The following ITFG1 variants were observed in gnomAD, a reference collection of about 807,000 sequenced individuals.
The protein encoded by ITFG1 is T-cell immunomodulatory protein.
A neutral mutation model predicts 81.8 loss-of-function variants in ITFG1; 34 were observed. The observed-to-expected ratio is 0.42, with a 90% CI of 0.32 to 0.55. The LOEUF (loss-of-function observed/expected upper bound fraction) is 0.55, where lower values mean the gene tolerates loss of function less well. Ranked by LOEUF, ITFG1 falls within the 20% of genes least tolerant of loss-of-function variation. The pLI, the probability that ITFG1 is intolerant of heterozygous loss-of-function variation, is 0.17. For synonymous variants in ITFG1, 285 were observed against 270.6 expected (o/e 1.05, Z -0.52); for missense variants, 672 against 755.4 (o/e 0.89, Z 1.29).
chr16:47,424,215 C>T (rs1246447627), intron 6 of ITFG1, among the ~76,000 whole-genome samples: 3 of 151,956 alleles, frequency 2.0e-5, no homozygotes, highest in Non-Finnish European at 4.4e-5. Context: ...TCCACTTGAT[C>T]GAATCAGCTA....
At chr16:47,216,392 C>A (rs941331262) in intron 14 of ITFG1, among the ~76,000 whole-genome samples, 4 of 152,032 alleles carry the variant, frequency 2.6e-5, no homozygotes, top group East Asian at 3.9e-4. Flanking sequence ...GTAGAGACAG[C>A]GTTTCACCAT....
chr16:47,375,987 T>A, intron 6 of ITFG1, 47 bp from the exon 7 acceptor site: 1 of 1,131,856 alleles, frequency 8.8e-7, no homozygotes, highest in Middle Eastern at 2.0e-4. Context: ...GTCTTACTGA[T>A]GTGTACATTT....
intron 6 of ITFG1, among the ~76,000 whole-genome samples, chr16:47,385,065 T>G (rs2151593700): frequency 6.6e-6 from 1 of 152,360 alleles, no homozygotes; most frequent in South Asian, 2.1e-4. Flanking sequence ...AGGGCTTCAC[T>G]GAGGAAGTGA....
intron 10 of ITFG1, among the ~76,000 whole-genome samples, chr16:47,286,550 G>T (rs1239763950): frequency 6.6e-6 from 1 of 151,810 alleles, no homozygotes; most frequent in East Asian, 1.9e-4. Context: ...TGAGGCAGGA[G>T]AATCACTTGA....
intron 14 of ITFG1, among the ~76,000 whole-genome samples, chr16:47,176,139 CTG>C (rs1965021556): frequency 6.6e-6 from 1 of 151,886 alleles, no homozygotes; most frequent in Non-Finnish European, 1.5e-5. Context: ...GAAAAAGACA[CTG>C]TGGCTATGGA....
intron 9 of ITFG1, chr16:47,312,945 T>C (rs1424273094): frequency 6.6e-6 from 1 of 152,166 alleles, no homozygotes; most frequent in African/African-American, 2.4e-5. Flanking sequence ...TGACCTAAAG[T>C]TTTAAGTGAT....
chr16:47,278,734 AG>A (rs1334682804), intron 10 of ITFG1, among the ~76,000 whole-genome samples: 1 of 152,192 alleles, frequency 6.6e-6, no homozygotes, highest in Non-Finnish European at 1.5e-5. Context: ...ATGGGGAGGA[AG>A]GGAGAGACTT....
At chr16:47,384,502 C>A (rs1341343484) in intron 6 of ITFG1, among the ~76,000 whole-genome samples, 1 of 152,014 alleles carries the variant, frequency 6.6e-6, no homozygotes, top group Non-Finnish European at 1.5e-5. Context: ...AATGAAATAA[C>A]CTGTCTCTAA....
At chr16:47,419,805 G>A (rs1319083165) in intron 6 of ITFG1, among the ~76,000 whole-genome samples, 1 of 151,832 alleles carries the variant, frequency 6.6e-6, no homozygotes, top group Non-Finnish European at 1.5e-5. Context: ...GTTTCACTAT[G>A]TGGGCAAGGC....
chr16:47,365,981 GTATTGCACAAAAAT>G (rs1968172937), intron 7 of ITFG1, 112 bp from the exon 8 acceptor site: 1 of 589,820 alleles, frequency 1.7e-6, no homozygotes, highest in Non-Finnish European at 3.1e-6. Flanking sequence ...GTATTTTGTT[GTATTGCACAAAAAT>G]TATTCCAATC....
intron 6 of ITFG1, among the ~76,000 whole-genome samples, chr16:47,405,192 A>ATAG (rs1195960434): frequency 6.6e-6 from 1 of 152,222 alleles, no homozygotes; most frequent in East Asian, 1.9e-4. Context: ...TCTTGTATGT[A>ATAG]GAGAATACAC....
At chr16:47,247,622 C>T (rs73538980) in intron 12 of ITFG1, among the ~76,000 whole-genome samples, 10,479 of 152,198 alleles carry the variant, frequency 0.069, 600 homozygotes, top group African/African-American at 0.15. Context: ...ATCACTTCAC[C>T]TCTCTCTCTT....
At chr16:47,265,222 GTTT>G (rs1966262766) in intron 10 of ITFG1, among the ~76,000 whole-genome samples, 1 of 149,856 alleles carries the variant, frequency 6.7e-6, no homozygotes, top group Admixed American at 6.6e-5. Context: ...TCACTAAAAG[GTTT>G]TTAATATTTA....
At chr16:47,181,427 A>G (rs926359663) in intron 14 of ITFG1, among the ~76,000 whole-genome samples, 2 of 133,348 alleles carry the variant, frequency 1.5e-5, no homozygotes, top group Non-Finnish European at 3.2e-5. Flanking sequence ...CCGCCCGGCC[A>G]GCCGCCCCGT....
At chr16:47,316,492 T>TAC (rs752010830) in intron 8 of ITFG1, among the ~76,000 whole-genome samples, 1 of 152,166 alleles carries the variant, frequency 6.6e-6, no homozygotes, top group Non-Finnish European at 1.5e-5. Flanking sequence ...ATAACTACAA[T>TAC]ACAGTTAACA....
chr16:47,284,616 C>T (rs760696754), intron 10 of ITFG1, among the ~76,000 whole-genome samples: 3 of 152,172 alleles, frequency 2.0e-5, no homozygotes, highest in Non-Finnish European at 4.4e-5. Context: ...CAGATTAATG[C>T]ATAATGGGTC....
At chr16:47,323,392 C>T (rs1354655397) in intron 8 of ITFG1, among the ~76,000 whole-genome samples, 1 of 152,140 alleles carries the variant, frequency 6.6e-6, no homozygotes, top group African/African-American at 2.4e-5. Context: ...TTAGCAGGCT[C>T]AGCCCCCTAG....
chr16:47,409,402 A>ATTT lies in ITFG1; in HGVS notation c.655+19401_655+19402insAAA, dbSNP rs1454105053. Among the ~76,000 whole-genome samples the ATTT allele has an allele frequency of 8.3e-3, 73 of 8,776 alleles. 2 individuals are homozygous for ATTT. The highest frequency in any genetic ancestry group is 0.016 in the African/African-American group (41 of 2,566). 5.8% of individuals were successfully genotyped at this position (8,776 alleles called of 152,430 possible). Reference sequence around the variant, plus strand: ...TATATATATATATATATATATATATATATTTTTTTTTTTTTTTTTTTTTTT... The same window carrying ATTT: ...TATATATATATATATATATATATATATTTTATTTTTTTTTTTTTTTTTTTTTTT... On this transcript the variant is annotated intron_variant, in intron 6 of 17. Coordinates refer to ENST00000320640, the MANE Select transcript of ITFG1 (RefSeq NM_030790.5).
At chr16:47,244,277 T>A (rs1258058000) in intron 12 of ITFG1, among the ~76,000 whole-genome samples, 1 of 152,162 alleles carries the variant, frequency 6.6e-6, no homozygotes, top group Non-Finnish European at 1.5e-5. Flanking sequence ...GAGGGGGTCA[T>A]GGGAACCCTG....
Sources: gnomAD v4.1 joint callset for allele counts (sites outside exome capture counted in the v4.1 genomes callset) on GRCh38, gnomAD v4.1.1 for gene constraint, MANE v1.5 for transcripts, NCBI Gene and HGNC (gene_info 2026-07-23, HGNC 2026-07-21) for gene names.